POTEE: variants seen among roughly 807,000 people sequenced by gnomAD.
POTEE encodes the protein POTE ankyrin domain family member E, also known as ANKRD26-like family C member 1A.
A neutral mutation model predicts 74.2 loss-of-function variants in POTEE; 21 were observed. That is an observed-to-expected ratio of 0.28 (90% CI 0.20 to 0.41). The LOEUF (loss-of-function observed/expected upper bound fraction) is 0.41. Among genes scored for constraint, POTEE ranks in the 10% least tolerant of loss-of-function variants. The probability of loss-of-function intolerance (pLI) is 1.00; values close to 1 mark genes in which losing one functional copy is unlikely to be tolerated. For missense variants in POTEE, 525 were observed against 1,158.6 expected (o/e 0.45, Z 7.94); for synonymous variants, 211 against 432.8 (o/e 0.49, Z 6.36).
rs70994744 is a variant in POTEE, at chr2:131,212,570, C to CTTT, written c.-189+1396_-189+1398dup. On this transcript the variant is annotated intron_variant, in intron 2 of 17. Coordinates refer to ENST00000683005, the MANE Select transcript of POTEE (RefSeq NM_001083538.3). ...TGCCACCATTTCCTTTGTTTTCTTT[C>CTTT]TTTTTTTTTTTGAGATGGAGTTTTG... 2.9e-3 allele frequency among the ~76,000 whole-genome samples: 77 copies of CTTT among 26,778 alleles called. 30 individuals are homozygous for CTTT. Among genetic ancestry groups the CTTT allele is most frequent in the Non-Finnish European group, 5.5e-3 (70 of 12,806 alleles). The allele number at this position is 26,778 out of a possible 152,430, so 17.6% of individuals were successfully genotyped here.
At chr2:131,236,434 G>C (rs1157178872) in intron 9 of POTEE, among the ~76,000 whole-genome samples, 8 of 152,128 alleles carry the variant, frequency 5.3e-5, no homozygotes, top group African/African-American at 1.9e-4. Flanking sequence ...TCACTATTAG[G>C]AAGTGGAGAA....
chr2:131,218,213 G>T, intron 3 of POTEE, 97 bp from the exon 4 acceptor site: 11 of 937,176 alleles, frequency 1.2e-5, no homozygotes, highest in Non-Finnish European at 1.6e-5. Flanking sequence ...GCTTTCCTCG[G>T]GTGGGTGTGG....
At position 131,263,850 on chromosome 2, in the gene POTEE, G is replaced by A. The variant is rs771152896; in HGVS notation, c.2395G>A (p.Glu799Lys). ...TFYNELRVAPEEHPILLTEAP... is the reference protein window; with the variant it reads ...TFYNELRVAPKEHPILLTEAP... The stretch of plus-strand genomic sequence containing the variant: ...CTACAACGAGCTGCGTGTGGCTCCC[G>A]AGGAGCACCCCATCCTGCTGACCGA... Residue 799 changes from glutamate (E) to lysine (K), a missense_variant, in exon 18 of 18, where the codon GAG becomes AAG. Physicochemically the swap from Glu to Lys is moderately conservative, Grantham distance 56. Transcript: ENST00000683005. 34 of 1,614,054 alleles carry A rather than the reference G, an allele frequency of 2.1e-5. No individual in the cohort carries two copies. Among genetic ancestry groups the A allele is most frequent in the Admixed American group, 1.2e-4 (7 of 60,016 alleles).
At chr2:131,216,960 C>A (rs1030613082) in intron 2 of POTEE, among the ~76,000 whole-genome samples, 2 of 152,222 alleles carry the variant, frequency 1.3e-5, no homozygotes. Context: ...CTAATGGGTG[C>A]AAAGTTTCTT....
chr2:131,215,355 A>C (rs1278246284), intron 2 of POTEE, among the ~76,000 whole-genome samples: 2 of 152,186 alleles, frequency 1.3e-5, no homozygotes, highest in African/African-American at 4.8e-5. Context: ...TATACACTAC[A>C]TCATATTTAC....
In POTEE at chr2:131,218,402, G is replaced by T; in HGVS notation, c.-1G>T. ...TGGCTTCTCCTGGCTGTTAAAAGCA[G>T]ATGGTGGTTGAGGTTGATTCCATGC... On this transcript the variant is annotated 5_prime_UTR_variant, in exon 4 of 18. Transcript: ENST00000683005. 6.2e-7 allele frequency: 1 copy of T among 1,612,612 alleles called. No homozygotes were observed. Among genetic ancestry groups the T allele is most frequent in the Non-Finnish European group, 8.5e-7 (1 of 1,179,732 alleles).
At chr2:131,211,975 T>C (rs1469582883) in intron 2 of POTEE, among the ~76,000 whole-genome samples, 2 of 152,028 alleles carry the variant, frequency 1.3e-5, no homozygotes, top group African/African-American at 2.4e-5. Context: ...TTTTGCTTTT[T>C]CTAGTCTGTG....
chr2:131,246,556 TTC>T (rs1237223133), intron 13 of POTEE, among the ~76,000 whole-genome samples: 2 of 131,140 alleles, frequency 1.5e-5, no homozygotes, highest in Non-Finnish European at 3.1e-5. Context: ...ACAGAAGTGT[TTC>T]TATTTCATTT....
In POTEE at chr2:131,219,653, C is replaced by T. The variant is rs189915171; in HGVS notation, c.521+730C>T. Among the ~76,000 whole-genome samples the T allele has an allele frequency of 2.5e-3, 387 of 151,980 alleles. 5 individuals are homozygous for T. Among genetic ancestry groups the T allele is most frequent in the African/African-American group, 9.1e-3 (375 of 41,402 alleles). The stretch of plus-strand genomic sequence containing the variant: ...TCAGGAGGCTGAGGCAGGAGAATGG[C>T]GTGAACCCGGGAGGTGGAGCTTGCA... On this transcript the variant is annotated intron_variant, in intron 4 of 17. Transcript: ENST00000683005.
Position 131,216,675 on chromosome 2 carries a change from G to T in POTEE, c.-188-914G>T, listed in dbSNP as rs529952451. Reference sequence around the variant, plus strand: ...CAGAAATGTCCATGAATTTTGGAGTGGATTAATAAAATGTGGTCTGTCCAT... The same window carrying T: ...CAGAAATGTCCATGAATTTTGGAGTTGATTAATAAAATGTGGTCTGTCCAT... On this transcript the variant is annotated intron_variant, in intron 2 of 17. Transcript: ENST00000683005. Among the ~76,000 whole-genome samples, 7 of 151,626 alleles carry T rather than the reference G, an allele frequency of 4.6e-5. No homozygotes were observed. In the East Asian group the frequency reaches 1.4e-3, roughly 29 times the overall value.
At chr2:131,230,720 A>G (rs1209116816) in intron 8 of POTEE, 116 bp from the exon 9 acceptor site, 10 of 1,089,742 alleles carry the variant, frequency 9.2e-6, no homozygotes, top group Non-Finnish European at 1.3e-5. Context: ...GGATAATACT[A>G]TTAAGTTCTG....
intron 2 of POTEE, among the ~76,000 whole-genome samples, chr2:131,211,430 C>G (rs1301556192): frequency 6.9e-6 from 1 of 144,928 alleles, no homozygotes; most frequent in Non-Finnish European, 1.5e-5. Context: ...GAGTCCTCCC[C>G]CTTCTCTTGC....
At chr2:131,221,809 G>T (rs1277645498) in intron 4 of POTEE, among the ~76,000 whole-genome samples, 9 of 152,176 alleles carry the variant, frequency 5.9e-5, no homozygotes, top group African/African-American at 1.9e-4. Context: ...AAATGTAAGT[G>T]ATTATTACTA....
Position 131,263,909 on chromosome 2 carries a change from G to C in POTEE, c.2454G>C (p.Lys818Asn), listed in dbSNP as rs767131768. ...APLNPKANRE[K>N]MTQIMFETFN... The stretch of plus-strand genomic sequence containing the variant: ...TGAACCCCAAGGCCAACCGCGAGAA[G>C]ATGACCCAGATCATGTTTGAGACCT... Residue 818 changes from lysine to asparagine, a missense_variant, in exon 18 of 18, where the codon AAG (lysine) becomes AAC (asparagine). Coordinates refer to ENST00000683005, the MANE Select transcript of POTEE (RefSeq NM_001083538.3). The C allele has an allele frequency of 3.1e-6, 5 of 1,614,194 alleles. No individual in the cohort carries two copies. The highest frequency in any genetic ancestry group is 4.2e-6 in the Non-Finnish European group (5 of 1,180,028).
Position 131,209,738 on chromosome 2 carries a change from C to G in POTEE, c.-426C>G, listed in dbSNP as rs1208828983. Among the ~76,000 whole-genome samples the G allele has an allele frequency of 6.6e-6, 1 of 152,246 alleles. No homozygotes were observed. Among genetic ancestry groups the G allele is most frequent in the African/African-American group, 2.4e-5 (1 of 41,468 alleles). On this transcript the variant is annotated 5_prime_UTR_variant, in exon 1 of 18. Coordinates refer to ENST00000683005, the MANE Select transcript of POTEE (RefSeq NM_001083538.3). The stretch of plus-strand genomic sequence containing the variant: ...CGCATGCTGGAGGCTGGAGCCTGAG[C>G]CCCTGGGGCTCGCCTTGCTGTGTTT...
chr2:131,210,479 G>C (rs1700334633), intron 1 of POTEE, among the ~76,000 whole-genome samples: 1 of 151,686 alleles, frequency 6.6e-6, no homozygotes, highest in African/African-American at 2.4e-5. Context: ...GGCTGCAGAG[G>C]TGGTGGGGAC....
In POTEE at chr2:131,218,395, A is replaced by G. The variant is rs745837259; in HGVS notation, c.-8A>G. The stretch of plus-strand genomic sequence containing the variant: ...CTACTACTGGCTTCTCCTGGCTGTT[A>G]AAAGCAGATGGTGGTTGAGGTTGAT... On this transcript the variant is annotated 5_prime_UTR_variant, in exon 4 of 18. Transcript: ENST00000683005. 3.1e-6 allele frequency: 5 copies of G among 1,612,286 alleles called. No homozygotes were observed. The East Asian group carries it at 8.9e-5, about 29-fold the overall frequency.
chr2:131,236,230 A>G (rs1483899892), intron 9 of POTEE, among the ~76,000 whole-genome samples: 1 of 152,154 alleles, frequency 6.6e-6, no homozygotes, highest in Non-Finnish European at 1.5e-5. Context: ...AAGGGGAGAC[A>G]GTAAAGGATT....
rs1051845532 is a variant in POTEE at position 131,230,863 on chromosome 2, A to G, written c.1083A>G (p.Lys361=). 3 of 1,421,710 alleles carry G rather than the reference A, an allele frequency of 2.1e-6. No homozygotes were observed. The highest frequency in any genetic ancestry group is 2.1e-5 in the Admixed American group (1 of 46,514). The allele number at this position is 1,421,710 out of a possible 1,614,324, so 88.1% of individuals were successfully genotyped here. A position where few individuals can be genotyped will look rare whatever the true frequency, so the allele number is the denominator to read the frequency against. ...HVICQLLSDY[K]EKQMLKISSE... ...TTTGCCAGTTACTTTCTGACTACAA[A>G]GAAAAACAGATGCTAAAAATCTCTT... Residue 361 remains lysine (K), a synonymous_variant, in exon 9 of 18, where the codon AAA becomes AAG. Coordinates refer to ENST00000683005, the MANE Select transcript of POTEE (RefSeq NM_001083538.3).
Sources: allele counts gnomAD v4.1 joint callset (sites outside exome capture counted in the v4.1 genomes callset), GRCh38; gene constraint gnomAD v4.1.1; transcripts MANE v1.5; gene names NCBI Gene and HGNC (gene_info 2026-07-23, HGNC 2026-07-21).